The following SCIN variants were observed in gnomAD, a reference collection of about 807,000 sequenced individuals.
SCIN encodes the protein adseverin.
A neutral mutation model predicts 91.8 loss-of-function variants in SCIN; 91 were observed. The ratio of observed to expected loss-of-function variants is 0.99; its 90% CI spans 0.84 to 1.18. SCIN has a LOEUF of 1.18. Among genes scored for constraint, SCIN ranks in the 50% most tolerant of loss-of-function variants. SCIN has a pLI of 0.00. For synonymous variants in SCIN, 367 were observed against 312.6 expected (o/e 1.17, Z -1.84); for missense variants, 1,087 against 863.9 (o/e 1.26, Z -3.24).
At chr7:12,603,820 T>C (rs1187072873) in intron 3 of SCIN, among the ~76,000 whole-genome samples, 2 of 152,126 alleles carry the variant, frequency 1.3e-5, no homozygotes, top group African/African-American at 4.8e-5. Context: ...TCATAATTTA[T>C]ATAACTATTA....
At position 12,655,539 on chromosome 7, in the gene SCIN, C is replaced by G. The variant is rs1339031382; in HGVS notation, c.*2824C>G. The stretch of plus-strand genomic sequence containing the variant: ...AGACACTCTTAATTAAATAAATTCA[C>G]AATAAAATAATCATACTTTTATCTA... On this transcript the variant is annotated 3_prime_UTR_variant, in exon 16 of 16. Coordinates refer to ENST00000297029, the MANE Select transcript of SCIN (RefSeq NM_001112706.3). 1.3e-5 allele frequency: 2 copies of G among 152,054 alleles called. No individual in the cohort carries two copies. The highest frequency in any genetic ancestry group is 2.9e-5 in the Non-Finnish European group (2 of 68,004). 9.4% of individuals were successfully genotyped at this position (152,054 alleles called of 1,614,324 possible).
chr7:12,600,118 T>A (rs1403868929), intron 3 of SCIN, among the ~76,000 whole-genome samples: 1 of 152,238 alleles, frequency 6.6e-6, no homozygotes, highest in East Asian at 1.9e-4. Context: ...TTTCCAATGT[T>A]ATCTTCTAGA....
In SCIN at chr7:12,609,256, G is replaced by A. The variant is rs148255067; in HGVS notation, c.666+4593G>A. On this transcript the variant is annotated intron_variant, in intron 4 of 15. Transcript: ENST00000297029. ...TTTTAAAAGCCCGTGTGCCTAAATA[G>A]GAAGACAATCCTATATGTGGAAAAA... 9.0e-3 allele frequency among the ~76,000 whole-genome samples: 1,367 copies of A among 152,234 alleles called. 16 individuals carry two copies. Among genetic ancestry groups the A allele is most frequent in the African/African-American group, 0.031 (1,300 of 41,532 alleles).
intron 9 of SCIN, among the ~76,000 whole-genome samples, chr7:12,631,230 G>T: frequency 6.6e-6 from 1 of 152,210 alleles, no homozygotes; most frequent in Admixed American, 6.5e-5. Context: ...AGCACTTTAT[G>T]TGCCAAGCAT....
chr7:12,592,468 T>C lies in SCIN; in HGVS notation c.516+11247T>C, dbSNP rs1465928061. On this transcript the variant is annotated intron_variant, in intron 3 of 15. Transcript: ENST00000297029. Reference sequence around the variant, plus strand: ...TGGGGTATTGAGGAACATTGGGAAATTTGGAAGAGTCTTTTAACTGGATTC... The same window carrying C: ...TGGGGTATTGAGGAACATTGGGAAACTTGGAAGAGTCTTTTAACTGGATTC... Among the ~76,000 whole-genome samples, 8 of 151,736 alleles carry C rather than the reference T, an allele frequency of 5.3e-5. No homozygotes were observed. In the East Asian group the frequency reaches 1.6e-3, roughly 29 times the overall value.
At chr7:12,583,009 A>G (rs1782519696) in intron 3 of SCIN, among the ~76,000 whole-genome samples, 1 of 152,112 alleles carries the variant, frequency 6.6e-6, no homozygotes, top group South Asian at 2.1e-4. Flanking sequence ...TCATCTGTAA[A>G]AGCAAATATT....
At chr7:12,639,465 C>G (rs1253320158) in intron 10 of SCIN, among the ~76,000 whole-genome samples, 1 of 152,122 alleles carries the variant, frequency 6.6e-6, no homozygotes, top group African/African-American at 2.4e-5. Context: ...TAGAAAAAGA[C>G]AAACCAGGGG....
Position 12,658,431 on chromosome 7 carries a change from C to G in SCIN, c.*5716C>G, listed in dbSNP as rs1784207811. The G allele has an allele frequency of 6.6e-6, 1 of 152,166 alleles. No homozygotes were observed. The highest frequency in any genetic ancestry group is 2.4e-5 in the African/African-American group (1 of 41,434). The allele number at this position is 152,166 out of a possible 1,614,324, so 9.4% of individuals were successfully genotyped here. On this transcript the variant is annotated 3_prime_UTR_variant, in exon 16 of 16. Transcript: ENST00000297029. ...CCAAAGATGCTATGTAGGTGAAAAT[C>G]TCTCCTAATGCATTCCCTTTCCAAC... is the stretch of plus-strand genomic sequence containing the variant.
At chr7:12,620,901 C>G (rs702477) in intron 4 of SCIN, among the ~76,000 whole-genome samples, 2 of 151,874 alleles carry the variant, frequency 1.3e-5, no homozygotes, top group African/African-American at 4.8e-5. Flanking sequence ...GAACAACTGA[C>G]GAAATTTTTA....
At chr7:12,613,420 A>G (rs2708660) in intron 4 of SCIN, among the ~76,000 whole-genome samples, 30,615 of 152,188 alleles carry the variant, frequency 0.2, 3,915 homozygotes, top group South Asian at 0.38. Flanking sequence ...TATTGTGCTT[A>G]GAGTTAGCCA....
chr7:12,631,615 T>C (rs888563299), intron 9 of SCIN, among the ~76,000 whole-genome samples: 1 of 152,188 alleles, frequency 6.6e-6, no homozygotes, highest in African/African-American at 2.4e-5. Flanking sequence ...GCTGGCATAC[T>C]CAACCCCCTC....
At chr7:12,615,100 G>A (rs2115262771) in intron 4 of SCIN, among the ~76,000 whole-genome samples, 1 of 152,286 alleles carries the variant, frequency 6.6e-6, no homozygotes, top group Non-Finnish European at 1.5e-5. Context: ...CAGAGCAAGG[G>A]AAATCCCAAC....
chr7:12,629,117 A>G lies in SCIN; in HGVS notation c.1214A>G (p.Asn405Ser), dbSNP rs573075850. 5 of 1,612,222 alleles carry G rather than the reference A, an allele frequency of 3.1e-6. No individual in the cohort carries two copies. Among genetic ancestry groups the G allele is most frequent in the African/African-American group, 2.7e-5 (2 of 74,966 alleles). Residue 405 changes from asparagine to serine, a missense_variant, in exon 9 of 16, where the codon AAC (asparagine) becomes AGC (serine). Physicochemically the swap from Asn to Ser is conservative, Grantham distance 46. Coordinates refer to ENST00000297029, the MANE Select transcript of SCIN (RefSeq NM_001112706.3). ...TCCTTCCAGATTTGGCGTGTAGAAA[A>G]CAATGGTAGGATCCAAGTTGACCAA... ...SGKVEIWRVE[N>S]NGRIQVDQNS...
At chr7:12,587,638 A>G (rs1201331798) in intron 3 of SCIN, among the ~76,000 whole-genome samples, 1 of 152,162 alleles carries the variant, frequency 6.6e-6, no homozygotes, top group African/African-American at 2.4e-5. Context: ...GGGACACGGT[A>G]TCCTCATCGT....
At chr7:12,613,362 A>G (rs540524334) in intron 4 of SCIN, among the ~76,000 whole-genome samples, 1 of 152,196 alleles carries the variant, frequency 6.6e-6, no homozygotes, top group East Asian at 1.9e-4. Flanking sequence ...GTTTTTAAGT[A>G]TATAATAATA....
intron 1 of SCIN, chr7:12,571,593 G>T (rs749366061): frequency 1.3e-5 from 6 of 468,180 alleles, no homozygotes; most frequent in South Asian, 3.1e-5. Context: ...CAAAAACTCC[G>T]CTTCATTCGG....
Position 12,646,031 on chromosome 7 carries a change from T to A in SCIN, c.1881+1326T>A, listed in dbSNP as rs567547403. The stretch of plus-strand genomic sequence containing the variant: ...AAAAATTTTCACCATATTGACTGAA[T>A]TAAAAATATTATGGAAATATTATGA... On this transcript the variant is annotated intron_variant, in intron 13 of 15. Coordinates refer to ENST00000297029, the MANE Select transcript of SCIN (RefSeq NM_001112706.3). Among the ~76,000 whole-genome samples the A allele has an allele frequency of 2.0e-5, 3 of 152,318 alleles. No homozygotes were observed. The East Asian group carries it at 5.8e-4, about 29-fold the overall frequency.
chr7:12,627,918 T>C (rs933320206), intron 8 of SCIN, among the ~76,000 whole-genome samples: 4 of 152,100 alleles, frequency 2.6e-5, no homozygotes, highest in Middle Eastern at 3.2e-3. Flanking sequence ...ACTAGGATAG[T>C]ATGGGGTGGC....
rs562526051 is a variant in SCIN at position 12,638,637 on chromosome 7, G to T, written c.1411-1710G>T. Among the ~76,000 whole-genome samples the T allele has an allele frequency of 4.6e-5, 7 of 152,258 alleles. No homozygotes were observed. In the East Asian group the frequency reaches 1.4e-3, roughly 29 times the overall value. On this transcript the variant is annotated intron_variant, in intron 10 of 15. Transcript: ENST00000297029. ...TATTTTAATGTAATAATTAAATAGA[G>T]AGAGGCAAGTTAGACACTTCAGAAC... is the stretch of plus-strand genomic sequence containing the variant.
Sources: allele counts gnomAD v4.1 joint callset (sites outside exome capture counted in the v4.1 genomes callset), GRCh38; gene constraint gnomAD v4.1.1; transcripts MANE v1.5; gene names NCBI Gene and HGNC (gene_info 2026-07-23, HGNC 2026-07-21).